Variants in FHIT observed in about 807,000 individuals in gnomAD.
FHIT encodes the protein fragile histidine triad diadenosine triphosphatase, also known as bis(5'-adenosyl)-triphosphatase.
Under a neutral mutation model 17.9 loss-of-function variants are expected in FHIT, and 19 were observed. The ratio of observed to expected loss-of-function variants is 1.06; its 90% CI spans 0.74 to 1.56. The LOEUF (loss-of-function observed/expected upper bound fraction) is 1.56, where lower values mean the gene tolerates loss of function less well. Among genes scored for constraint, FHIT ranks in the 40% most tolerant of loss-of-function variants. The probability of loss-of-function intolerance (pLI) is 0.00; values close to 1 mark genes in which losing one functional copy is unlikely to be tolerated. For synonymous variants in FHIT, 81 were observed against 69.7 expected (o/e 1.16, Z -0.81); for missense variants, 248 against 189.2 (o/e 1.31, Z -1.82).
chr3:60,129,769 C>T (rs1161963427), intron 5 of FHIT, among the ~76,000 whole-genome samples: 1 of 152,146 alleles, frequency 6.6e-6, no homozygotes, highest in Non-Finnish European at 1.5e-5. Flanking sequence ...GATTAATGTA[C>T]AGCCCATTAT....
chr3:60,816,445 T>C (rs1701742628), intron 4 of FHIT, among the ~76,000 whole-genome samples: 1 of 152,088 alleles, frequency 6.6e-6, no homozygotes, highest in South Asian at 2.1e-4. Flanking sequence ...TTTTTTATCA[T>C]GAAGGGATGT....
chr3:60,610,702 A>G (rs551597506), intron 4 of FHIT, among the ~76,000 whole-genome samples: 84 of 152,312 alleles, frequency 5.5e-4, no homozygotes, highest in Non-Finnish European at 7.9e-4. Flanking sequence ...AATAATATCA[A>G]AACACCTTGC....
At chr3:59,802,501 C>G (rs1700036041) in intron 8 of FHIT, among the ~76,000 whole-genome samples, 2 of 152,134 alleles carry the variant, frequency 1.3e-5, no homozygotes, top group South Asian at 4.1e-4. Context: ...AATTCCTTCT[C>G]CTGACTCAGA....
chr3:60,215,436 G>A lies in FHIT; in HGVS notation c.104-201284C>T, dbSNP rs555138439. ...AGAGGTCACAGTGAGCAGAGATCAC[G>A]CCTGTAATCCCAGCTACTAGGGAGG... On this transcript the variant is annotated intron_variant, in intron 5 of 9. Transcript: ENST00000492590. 7.2e-5 allele frequency among the ~76,000 whole-genome samples: 11 copies of A among 151,936 alleles called. No homozygotes were observed. In the South Asian group the frequency reaches 1.9e-3, roughly 26 times the overall value.
chr3:60,350,691 C>T (rs1711040472), intron 5 of FHIT, among the ~76,000 whole-genome samples: 1 of 152,038 alleles, frequency 6.6e-6, no homozygotes, highest in African/African-American at 2.4e-5. Flanking sequence ...CACTCCAAAA[C>T]CTATTTTTTT....
chr3:60,818,454 A>G (rs952715144), intron 4 of FHIT, among the ~76,000 whole-genome samples: 7 of 152,174 alleles, frequency 4.6e-5, no homozygotes, highest in African/African-American at 1.7e-4. Context: ...CTCGAATCTC[A>G]GTTCAGTTCT....
chr3:61,199,236 T>C (rs2038944824), intron 2 of FHIT, among the ~76,000 whole-genome samples: 1 of 152,116 alleles, frequency 6.6e-6, no homozygotes. Context: ...GTGGAAACAT[T>C]CCCCAAGAGG....
At chr3:60,361,389 C>G (rs1368001101) in intron 5 of FHIT, among the ~76,000 whole-genome samples, 1 of 152,034 alleles carries the variant, frequency 6.6e-6, no homozygotes, top group Non-Finnish European at 1.5e-5. Flanking sequence ...TTCAAAGGCA[C>G]GTACACAAAA....
chr3:59,818,915 C>G (rs1476142604), intron 8 of FHIT, among the ~76,000 whole-genome samples: 1 of 152,242 alleles, frequency 6.6e-6, no homozygotes, highest in African/African-American at 2.4e-5. Context: ...GGATATGACA[C>G]TAGCCCTCGG....
At chr3:60,190,611 G>A (rs1255683113) in intron 5 of FHIT, among the ~76,000 whole-genome samples, 1 of 151,756 alleles carries the variant, frequency 6.6e-6, no homozygotes, top group Non-Finnish European at 1.5e-5. Flanking sequence ...ACTGGGGACT[G>A]TTGTGGGGTG....
intron 3 of FHIT, among the ~76,000 whole-genome samples, chr3:60,993,876 A>G (rs539207780): frequency 9.9e-5 from 15 of 152,248 alleles, no homozygotes; most frequent in Admixed American, 4.6e-4. Flanking sequence ...CTCCCTTTGT[A>G]TGTACGGCTA....
At chr3:59,776,713 G>C (rs1473422755) in intron 8 of FHIT, among the ~76,000 whole-genome samples, 1 of 152,174 alleles carries the variant, frequency 6.6e-6, no homozygotes, top group East Asian at 1.9e-4. Flanking sequence ...AATAATCAGA[G>C]CTGACATTTA....
intron 5 of FHIT, among the ~76,000 whole-genome samples, chr3:60,219,008 C>T (rs956204913): frequency 2.0e-5 from 3 of 152,120 alleles, no homozygotes; most frequent in Non-Finnish European, 4.4e-5. Flanking sequence ...TCTCATGAAG[C>T]ACTGGTGAAA....
At chr3:60,635,368 G>A (rs782703787) in intron 4 of FHIT, among the ~76,000 whole-genome samples, 3 of 152,116 alleles carry the variant, frequency 2.0e-5, no homozygotes, top group Non-Finnish European at 4.4e-5. Flanking sequence ...GCCAAAGCCC[G>A]TGGCCAATTT....
intron 4 of FHIT, among the ~76,000 whole-genome samples, chr3:60,561,908 AAG>A (rs1195781130): frequency 6.6e-6 from 1 of 151,484 alleles, no homozygotes; most frequent in Non-Finnish European, 1.5e-5. Context: ...AAAAAAAGAA[AAG>A]AGAGAGAAAG....
intron 7 of FHIT, among the ~76,000 whole-genome samples, chr3:59,946,096 A>G (rs1301210893): frequency 6.6e-6 from 1 of 152,224 alleles, no homozygotes; most frequent in Admixed American, 6.5e-5. Context: ...AACAGGACAG[A>G]ATCTATAAAT....
intron 5 of FHIT, among the ~76,000 whole-genome samples, chr3:60,195,018 T>C (rs1332279688): frequency 6.6e-6 from 1 of 151,864 alleles, no homozygotes; most frequent in Non-Finnish European, 1.5e-5. Context: ...ATACAAACAT[T>C]AGCCAGGCAT....
intron 8 of FHIT, among the ~76,000 whole-genome samples, chr3:59,777,708 T>C (rs1056723917): frequency 3.5e-4 from 54 of 152,294 alleles, no homozygotes; most frequent in African/African-American, 1.3e-3. Context: ...CTAACTCTAA[T>C]GTCATGCTAG....
At chr3:60,440,291 G>C (rs1242923730) in intron 5 of FHIT, among the ~76,000 whole-genome samples, 1 of 151,924 alleles carries the variant, frequency 6.6e-6, no homozygotes, top group Admixed American at 6.6e-5. Flanking sequence ...AGGGAAATTG[G>C]GCTTGTTACA....
Sources: gnomAD v4.1 joint callset for allele counts (sites outside exome capture counted in the v4.1 genomes callset) on GRCh38, gnomAD v4.1.1 for gene constraint, MANE v1.5 for transcripts, NCBI Gene and HGNC (gene_info 2026-07-23, HGNC 2026-07-21) for gene names.